The following UBR3 variants were observed in gnomAD, a reference collection of about 807,000 sequenced individuals.
The protein encoded by UBR3 is E3 ubiquitin-protein ligase UBR3.
In UBR3, 85 loss-of-function variants were observed where a neutral mutation model predicts 243.2. The observed-to-expected ratio is 0.35, with a 90% CI of 0.29 to 0.42. The LOEUF (loss-of-function observed/expected upper bound fraction) is 0.42. Among genes scored for constraint, UBR3 ranks in the 10% least tolerant of loss-of-function variants. The pLI is 1.00. For synonymous variants in UBR3, 748 were observed against 799.8 expected, an observed-to-expected ratio of 0.94 and a Z score of 1.09; for missense variants, 1,686 against 2,300.8, an observed-to-expected ratio of 0.73 and a Z score of 5.47.
chr2:169,868,669 A>C (rs2083335388), intron 1 of UBR3, among the ~76,000 whole-genome samples: 1 of 152,186 alleles, frequency 6.6e-6, no homozygotes, highest in Non-Finnish European at 1.5e-5. Context: ...CACCCACATA[A>C]AATAATTCCT....
chr2:169,994,833 G>A (rs562634588), intron 26 of UBR3, among the ~76,000 whole-genome samples: 44 of 152,278 alleles, frequency 2.9e-4, no homozygotes, highest in African/African-American at 1.0e-3. Flanking sequence ...ATGTCTTTAT[G>A]GGTTTTGTCT....
chr2:169,984,480 C>G (rs527329377), intron 24 of UBR3, among the ~76,000 whole-genome samples: 4 of 152,240 alleles, frequency 2.6e-5, no homozygotes, highest in South Asian at 4.1e-4. Flanking sequence ...GTTTTTCATG[C>G]TTTTGTTCTT....
intron 1 of UBR3, among the ~76,000 whole-genome samples, chr2:169,835,197 A>G (rs2082045544): frequency 6.6e-6 from 1 of 152,166 alleles, no homozygotes; most frequent in African/African-American, 2.4e-5. Flanking sequence ...ATTTTACCAC[A>G]ATTAAAAAAT....
At chr2:169,880,119 A>C (rs2083765588) in intron 5 of UBR3, among the ~76,000 whole-genome samples, 1 of 152,164 alleles carries the variant, frequency 6.6e-6, no homozygotes, top group South Asian at 2.1e-4. Context: ...GTTGACTATG[A>C]ATGGGTGAAT....
At chr2:169,919,613 G>GA (rs1421030929) in intron 11 of UBR3, among the ~76,000 whole-genome samples, 3 of 152,066 alleles carry the variant, frequency 2.0e-5, no homozygotes. Context: ...AAACTTACAA[G>GA]AAAAAAGCAA....
intron 5 of UBR3, among the ~76,000 whole-genome samples, chr2:169,884,139 G>A (rs534293240): frequency 6.8e-6 from 1 of 147,132 alleles, no homozygotes; most frequent in East Asian, 2.0e-4. Context: ...AGCCTGTAAG[G>A]TATTTTGGAG....
chr2:169,942,721 C>G, intron 20 of UBR3, 87 bp downstream of exon 20: 2 of 1,278,678 alleles, frequency 1.6e-6, no homozygotes, highest in Non-Finnish European at 2.0e-6. Flanking sequence ...ATAAAAGTAC[C>G]ACTTATAAAG....
At chr2:170,076,148 T>C (rs1210765736) in intron 36 of UBR3, among the ~76,000 whole-genome samples, 1 of 152,184 alleles carries the variant, frequency 6.6e-6, no homozygotes, top group African/African-American at 2.4e-5. Context: ...GTAATACATA[T>C]ACCCCAGTGG....
At chr2:169,920,372 A>C (rs960026171) in intron 11 of UBR3, among the ~76,000 whole-genome samples, 1 of 152,136 alleles carries the variant, frequency 6.6e-6, no homozygotes, top group African/African-American at 2.4e-5. Flanking sequence ...TGTTAAATGA[A>C]GAGTTAATGG....
At chr2:169,873,754 A>G (rs550439230) in intron 2 of UBR3, among the ~76,000 whole-genome samples, 2 of 152,332 alleles carry the variant, frequency 1.3e-5, no homozygotes, top group African/African-American at 4.8e-5. Flanking sequence ...GTTTCAAATT[A>G]CTGTCTCTTC....
intron 1 of UBR3, among the ~76,000 whole-genome samples, chr2:169,841,628 C>G (rs930249436): frequency 1.3e-5 from 2 of 152,202 alleles, no homozygotes; most frequent in Admixed American, 6.5e-5. Context: ...GCACTCGGAG[C>G]AGCCAGCCAG....
rs1315246840 is a variant in UBR3, at chr2:169,914,079, G to A, written c.1799G>A (p.Arg600Gln). The change falls in exon 11 of 39, where the codon CGA becomes CAA. Residue 600 changes from arginine (R) to glutamine (Q), a missense_variant. Physicochemically the swap from Arg to Gln is conservative, Grantham distance 43. Transcript: ENST00000272793. ...TTTTAGGAAACTCAAGAGTATACCCGAAATGTTGTTAGATATTGCCTTGAA... is the reference window on the plus strand; with the variant it reads ...TTTTAGGAAACTCAAGAGTATACCCAAAATGTTGTTAGATATTGCCTTGAA... ...CKVRETQEYT[R>Q]NVVRYCLEAL... 5.3e-6 allele frequency: 8 copies of A among 1,496,026 alleles called. No individual in the cohort carries two copies. Among genetic ancestry groups the A allele is most frequent in the Admixed American group, 2.2e-5 (1 of 44,808 alleles). 92.7% of individuals were successfully genotyped at this position (1,496,026 alleles called of 1,614,324 possible).
At chr2:169,968,378 C>T (rs1413719599) in intron 24 of UBR3, among the ~76,000 whole-genome samples, 1 of 152,180 alleles carries the variant, frequency 6.6e-6, no homozygotes, top group African/African-American at 2.4e-5. Context: ...CGTCTGGTAA[C>T]CATCATTTTG....
intron 32 of UBR3, among the ~76,000 whole-genome samples, chr2:170,052,351 C>T (rs11675172): frequency 0.16 from 24,169 of 152,078 alleles, 2,095 homozygotes; most frequent in Admixed American, 0.22. Context: ...TCTGGGTGTA[C>T]ATCCTAAGGA....
chr2:170,058,207 A>C lies in UBR3; in HGVS notation c.4785+2623A>C, dbSNP rs534687616. Among the ~76,000 whole-genome samples, 13 of 151,052 alleles carry C rather than the reference A, an allele frequency of 8.6e-5. No individual in the cohort carries two copies. The East Asian group carries it at 2.5e-3, about 30-fold the overall frequency. On this transcript the variant is annotated intron_variant, in intron 33 of 38. Transcript: ENST00000272793. ...CTTTCCTTCCTTTCTTCCTTTCTTC[A>C]TTGAATTTCACTTATTCGCTTCATC...
At chr2:170,015,112 A>G in intron 29 of UBR3, 169 bp from the exon 30 acceptor site, 1 of 526,486 alleles carries the variant, frequency 1.9e-6, no homozygotes, top group South Asian at 2.9e-5. Context: ...TTCCCTTTGT[A>G]TTTCTAAATA....
At chr2:169,903,848 C>A (rs1163540158) in intron 8 of UBR3, among the ~76,000 whole-genome samples, 1 of 152,004 alleles carries the variant, frequency 6.6e-6, no homozygotes, top group Non-Finnish European at 1.5e-5. Context: ...TAGTGAGACC[C>A]CCATCTTTGA....
At chr2:170,044,493 C>T (rs1250408643) in intron 32 of UBR3, among the ~76,000 whole-genome samples, 1 of 152,040 alleles carries the variant, frequency 6.6e-6, no homozygotes, top group Non-Finnish European at 1.5e-5. Context: ...TCTTATGTTT[C>T]ATAATACCCA....
At chr2:169,883,465 G>A (rs10930385) in intron 5 of UBR3, among the ~76,000 whole-genome samples, 1 of 151,976 alleles carries the variant, frequency 6.6e-6, no homozygotes. Context: ...AACGAGTTGC[G>A]AAAGTATGTC....
Sources: allele counts gnomAD v4.1 joint callset (sites outside exome capture counted in the v4.1 genomes callset), GRCh38; gene constraint gnomAD v4.1.1; transcripts MANE v1.5; gene names NCBI Gene and HGNC (gene_info 2026-07-23, HGNC 2026-07-21).